SLC25A28: variants seen among roughly 807,000 people sequenced by gnomAD.
SLC25A28 encodes the protein solute carrier family 25 member 28.
In SLC25A28, 10 loss-of-function variants were observed where a neutral mutation model predicts 31.9. The ratio of observed to expected loss-of-function variants is 0.31; its 90% CI spans 0.19 to 0.53. SLC25A28 has a LOEUF of 0.53. Among genes scored for constraint, SLC25A28 ranks in the 20% least tolerant of loss-of-function variants. The pLI is 0.95. For missense variants in SLC25A28, 256 were observed against 490.3 expected (o/e 0.52, Z 4.51); for synonymous variants, 208 against 203.6 (o/e 1.02, Z -0.19).
chr10:99,620,263 C>T lies in SLC25A28; in HGVS notation c.73G>A (p.Glu25Lys). The T allele has an allele frequency of 8.1e-7, 1 of 1,236,466 alleles. No homozygotes were observed. Among genetic ancestry groups the T allele is most frequent in the Non-Finnish European group, 1.0e-6 (1 of 989,758 alleles). 76.6% of individuals were successfully genotyped at this position (1,236,466 alleles called of 1,614,324 possible). A position where few individuals can be genotyped will look rare whatever the true frequency, so the allele number is the denominator to read the frequency against. The change falls in exon 1 of 4, where the codon GAG becomes AAG. Residue 25 changes from glutamate to lysine, a missense_variant. Physicochemically the swap from Glu to Lys is moderately conservative, Grantham distance 56 (BLOSUM62 1). Around this residue, in one of 4 missense-constraint regions of SLC25A28, gnomAD observed 47 missense variants for 41.4 expected, o/e 1.14. Coordinates refer to ENST00000370495, the MANE Select transcript of SLC25A28 (RefSeq NM_031212.4). ...PAAGPGRSPG[E>K]SALLDGWLQR... is the part of the protein sequence containing the mutation. ...AGCCACCCGTCCAGCAGCGCCGACTCCCCGGGGCTCCGCCCGGGCCCTGCC... is the reference window on the plus strand; with the variant it reads ...AGCCACCCGTCCAGCAGCGCCGACTTCCCGGGGCTCCGCCCGGGCCCTGCC...
chr10:99,619,027 T>C (rs917079846), intron 1 of SLC25A28: 1 of 985,334 alleles, frequency 1.0e-6, no homozygotes, highest in African/African-American at 1.7e-5. Context: ...TCTCCCTCAA[T>C]TCAGTCCTCA....
the SLC25A28 span, among the ~76,000 whole-genome samples, chr10:99,631,045 T>C: frequency 6.6e-6 from 1 of 152,060 alleles, no homozygotes; most frequent in Non-Finnish European, 1.5e-5. Flanking sequence ...GAAAACATAA[T>C]AGCAGGAGTC....
the SLC25A28 span, among the ~76,000 whole-genome samples, chr10:99,645,342 G>A: frequency 3.9e-5 from 6 of 152,016 alleles, no homozygotes; most frequent in Admixed American, 2.6e-4. Flanking sequence ...CCACTTGATC[G>A]AATCAGCTAC....
chr10:99,643,417 C>T, the SLC25A28 span, among the ~76,000 whole-genome samples: 9 of 152,114 alleles, frequency 5.9e-5, no homozygotes, highest in Non-Finnish European at 1.2e-4. Context: ...GTGATATCCC[C>T]TTTATCATTT....
At chr10:99,639,205 A>G in the SLC25A28 span, among the ~76,000 whole-genome samples, 41,974 of 151,792 alleles carry the variant, frequency 0.28, 5,869 homozygotes, top group Non-Finnish European at 0.3. Flanking sequence ...GAGATTGGAG[A>G]CCATTATTCT....
the SLC25A28 span, among the ~76,000 whole-genome samples, chr10:99,637,927 C>T: frequency 8.3e-4 from 127 of 152,262 alleles, no homozygotes; most frequent in African/African-American, 2.8e-3. Flanking sequence ...CATCATTCTT[C>T]GCAGAATTAG....
At chr10:99,629,792 A>T in the SLC25A28 span, among the ~76,000 whole-genome samples, 1 of 152,230 alleles carries the variant, frequency 6.6e-6, no homozygotes, top group Non-Finnish European at 1.5e-5. Context: ...GTTTCCTATC[A>T]GGGTGATGAA....
chr10:99,659,174 G>A, the SLC25A28 span, among the ~76,000 whole-genome samples: 1 of 152,228 alleles, frequency 6.6e-6, no homozygotes, highest in Non-Finnish European at 1.5e-5. The surrounding 1 kb of genome is among the most constrained non-coding windows in gnomAD (Gnocchi z 4.1). Flanking sequence ...GAGCGGCCGT[G>A]GAGAAAGCAA....
At chr10:99,617,067 C>A in intron 1 of SLC25A28, 1 of 985,436 alleles carries the variant, frequency 1.0e-6, no homozygotes, top group Non-Finnish European at 1.2e-6. Context: ...CTCTTCCCCT[C>A]TTTATTATAT....
chr10:99,620,413 C>T lies in SLC25A28; in HGVS notation c.-78G>A, dbSNP rs1488869857. ...CCGCCGCCCCCCGGCCCCGTAGTGT[C>T]CGCCTCAGGCGCGGCCCAGAGAGCC... On this transcript the variant is annotated 5_prime_UTR_variant, in exon 1 of 4. Transcript: ENST00000370495. 2 of 1,041,250 alleles carry T rather than the reference C, an allele frequency of 1.9e-6. No individual in the cohort carries two copies. The highest frequency in any genetic ancestry group is 5.5e-5 in the Admixed American group (1 of 18,056). 64.5% of individuals were successfully genotyped at this position (1,041,250 alleles called of 1,614,324 possible).
the SLC25A28 span, among the ~76,000 whole-genome samples, chr10:99,651,363 A>C: frequency 6.6e-6 from 1 of 152,150 alleles, no homozygotes; most frequent in Admixed American, 6.5e-5. Context: ...CCATCTGTAT[A>C]TCTTATTTGG....
rs3740081 is a variant in SLC25A28, at chr10:99,611,611, C to T, written c.578-245G>A. On this transcript the variant is annotated intron_variant, in intron 3 of 3. Coordinates refer to ENST00000370495, the MANE Select transcript of SLC25A28 (RefSeq NM_031212.4). This position sits in a 1 kb window ranked among gnomAD's most constrained non-coding sequence, Gnocchi z 5.5. The stretch of plus-strand genomic sequence containing the variant: ...CCATCAGGACTTCTGTAAAGCCAGC[C>T]AGTTCGCACACAGGACATATCTACA... Among the ~76,000 whole-genome samples the T allele has an allele frequency of 4.6e-5, 7 of 152,216 alleles. No individual in the cohort carries two copies. The East Asian group carries it at 1.4e-3, about 29-fold the overall frequency.
At chr10:99,654,460 T>C in the SLC25A28 span, among the ~76,000 whole-genome samples, 1 of 152,034 alleles carries the variant, frequency 6.6e-6, no homozygotes, top group Non-Finnish European at 1.5e-5. Flanking sequence ...AGATTACACC[T>C]GGACAGCCTG....
chr10:99,627,807 C>T, the SLC25A28 span, among the ~76,000 whole-genome samples: 1 of 152,104 alleles, frequency 6.6e-6, no homozygotes, highest in Non-Finnish European at 1.5e-5. Context: ...ATTTTGCTAT[C>T]AAACAGTAGG....
At chr10:99,652,543 G>A in the SLC25A28 span, among the ~76,000 whole-genome samples, 7 of 152,096 alleles carry the variant, frequency 4.6e-5, no homozygotes, top group Admixed American at 6.5e-5. Context: ...AATACCTCAG[G>A]CCTGGCTTGC....
the SLC25A28 span, among the ~76,000 whole-genome samples, chr10:99,630,023 A>G: frequency 6.6e-6 from 1 of 152,128 alleles, no homozygotes; most frequent in Non-Finnish European, 1.5e-5. Flanking sequence ...AAGAAGAGGG[A>G]AAAAAAGGGT....
chr10:99,619,247 C>G (rs1376924228), intron 1 of SLC25A28: 8 of 985,316 alleles, frequency 8.1e-6, no homozygotes, highest in Non-Finnish European at 9.6e-6. Context: ...CTTACATCTA[C>G]TTTCTAATAC....
chr10:99,627,228 G>A, the SLC25A28 span, among the ~76,000 whole-genome samples: 9 of 152,116 alleles, frequency 5.9e-5, no homozygotes, highest in East Asian at 9.7e-4. Flanking sequence ...GCGACAGACC[G>A]AGACAATCTC....
upstream of SLC25A28, chr10:99,622,783 C>T (rs2034820149): frequency 3.8e-6 from 3 of 779,244 alleles, no homozygotes; most frequent in Admixed American, 6.2e-5. Context: ...CATTCCAAAC[C>T]AGTTGTCCTC....
Sources: allele counts gnomAD v4.1 joint callset (sites outside exome capture counted in the v4.1 genomes callset), GRCh38; gene constraint gnomAD v4.1.1; regional missense constraint gnomAD v4.1.1; non-coding constraint Gnocchi (gnomAD v3.1); transcripts MANE v1.5; gene names NCBI Gene and HGNC (gene_info 2026-07-23, HGNC 2026-07-21).